ENOX1: variants seen among roughly 807,000 people sequenced by gnomAD.
ENOX1 encodes candidate growth-related and time keeping constitutive hydroquinone (NADH) oxidase.
In ENOX1, 42 loss-of-function variants were observed where a neutral mutation model predicts 82.5. That is an observed-to-expected ratio of 0.51 (90% CI 0.40 to 0.66). ENOX1 has a LOEUF of 0.66. Among genes scored for constraint, ENOX1 ranks in the 30% least tolerant of loss-of-function variants. ENOX1 has a pLI of 0.00. For synonymous variants in ENOX1, 271 were observed against 282.2 expected (o/e 0.96, Z 0.40); for missense variants, 608 against 811.6 (o/e 0.75, Z 3.05).
At chr13:43,562,594 A>C (rs540859173) in intron 2 of ENOX1, among the ~76,000 whole-genome samples, 93 of 152,232 alleles carry the variant, frequency 6.1e-4, no homozygotes, top group African/African-American at 2.1e-3. Context: ...CTGAACAGAT[A>C]AAACAAAACT....
At chr13:43,385,991 C>A (rs541691749) in intron 5 of ENOX1, among the ~76,000 whole-genome samples, 2 of 152,078 alleles carry the variant, frequency 1.3e-5, no homozygotes, top group African/African-American at 2.4e-5. Flanking sequence ...CATGGTGAAA[C>A]CCCATCTCTA....
chr13:43,576,775 T>C (rs1324433522), intron 2 of ENOX1, among the ~76,000 whole-genome samples: 2 of 152,208 alleles, frequency 1.3e-5, no homozygotes, highest in Admixed American at 6.5e-5. Flanking sequence ...ATAGATCACA[T>C]AGTATTTCTA....
chr13:43,425,431 C>T (rs1480227723), intron 3 of ENOX1, among the ~76,000 whole-genome samples: 1 of 152,180 alleles, frequency 6.6e-6, no homozygotes, highest in Non-Finnish European at 1.5e-5. Flanking sequence ...TGTCCTCCAC[C>T]CCTACCGTCC....
intron 2 of ENOX1, among the ~76,000 whole-genome samples, chr13:43,642,743 T>G (rs1399793267): frequency 1.3e-5 from 2 of 152,218 alleles, no homozygotes; most frequent in African/African-American, 4.8e-5. Context: ...ATCTAAAAAA[T>G]GCTGATCCTA....
chr13:43,356,287 C>A (rs534604067), intron 7 of ENOX1, 135 bp from the exon 8 acceptor site: 3 of 741,556 alleles, frequency 4.0e-6, no homozygotes, highest in South Asian at 3.8e-5. Context: ...CCATAGGAAG[C>A]GGGAAACAAT....
chr13:43,772,317 A>T (rs1951681330), intron 1 of ENOX1, among the ~76,000 whole-genome samples: 1 of 152,170 alleles, frequency 6.6e-6, no homozygotes, highest in Admixed American at 6.5e-5. Flanking sequence ...TCTATACTAC[A>T]TGTTGGCTTT....
chr13:43,748,038 T>C (rs1950120742), intron 1 of ENOX1, among the ~76,000 whole-genome samples: 1 of 152,234 alleles, frequency 6.6e-6, no homozygotes. Flanking sequence ...AAATATTATC[T>C]GTTTATCACC....
intron 1 of ENOX1, among the ~76,000 whole-genome samples, chr13:43,758,217 C>G (rs1950759059): frequency 6.6e-6 from 1 of 151,790 alleles, no homozygotes; most frequent in Admixed American, 6.6e-5. Flanking sequence ...GCCTGGGTGA[C>G]AGAGTGAGAC....
chr13:43,630,830 T>C (rs2083172850), intron 2 of ENOX1, among the ~76,000 whole-genome samples: 1 of 145,404 alleles, frequency 6.9e-6, no homozygotes, highest in Admixed American at 7.0e-5. Context: ...TATATATACA[T>C]ACAACCACAC....
rs1330157743 is a variant in ENOX1 at position 43,738,752 on chromosome 13, G to T, written c.-285+47900C>A. Among the ~76,000 whole-genome samples, 3 of 151,874 alleles carry T rather than the reference G, an allele frequency of 2.0e-5. No individual in the cohort carries two copies. The East Asian group carries it at 5.8e-4, about 29-fold the overall frequency. Reference sequence around the variant, plus strand: ...TGTTCCCAAACTCTGAAACCATTTTGCCTATTCATGCTAGTTTTGCCAATC... The same window carrying T: ...TGTTCCCAAACTCTGAAACCATTTTTCCTATTCATGCTAGTTTTGCCAATC... On this transcript the variant is annotated intron_variant, in intron 1 of 16. Transcript: ENST00000690772.
chr13:43,603,364 TTTTATTTATTTTA>T (rs1008929943), intron 2 of ENOX1, among the ~76,000 whole-genome samples: 32 of 114,886 alleles, frequency 2.8e-4, no homozygotes, highest in East Asian at 2.2e-3. Context: ...TTTTTTTTCC[TTTTATTTATTTTA>T]TTTATTTATT....
intron 1 of ENOX1, among the ~76,000 whole-genome samples, chr13:43,714,723 A>G (rs1396664369): frequency 1.3e-5 from 2 of 152,024 alleles, no homozygotes; most frequent in Admixed American, 6.6e-5. Context: ...TTTATCCGAG[A>G]CTAGGATTGC....
rs1158867715 is a variant in ENOX1, at chr13:43,213,434, C to A, written c.*556G>T. 6.6e-6 allele frequency: 1 copy of A among 151,750 alleles called. No individual in the cohort carries two copies. The highest frequency in any genetic ancestry group is 1.5e-5 in the Non-Finnish European group (1 of 67,928). The allele number at this position is 151,750 out of a possible 1,614,324, so 9.4% of individuals were successfully genotyped here. A position where few individuals can be genotyped will look rare whatever the true frequency, so the allele number is the denominator to read the frequency against. On this transcript the variant is annotated 3_prime_UTR_variant, in exon 17 of 17. Transcript: ENST00000690772. ...CAAAAGTCCCTGGAACAGCATATAA[C>A]TTAATTTACAAAATACAATAACTGT...
At chr13:43,514,621 C>G (rs1005358713) in intron 2 of ENOX1, among the ~76,000 whole-genome samples, 1 of 152,138 alleles carries the variant, frequency 6.6e-6, no homozygotes, top group Non-Finnish European at 1.5e-5. Flanking sequence ...TCCAACCAGC[C>G]TCTTCTAATT....
chr13:43,730,646 A>G (rs1260254920), intron 1 of ENOX1, among the ~76,000 whole-genome samples: 1 of 152,176 alleles, frequency 6.6e-6, no homozygotes, highest in Non-Finnish European at 1.5e-5. Flanking sequence ...AACACCCTTC[A>G]GTAGTACCAT....
intron 12 of ENOX1, among the ~76,000 whole-genome samples, chr13:43,281,501 G>A (rs1029024299): frequency 7.9e-5 from 12 of 151,174 alleles, no homozygotes; most frequent in Non-Finnish European, 1.2e-4. Context: ...TGAAAATTAA[G>A]AGAAATTAGA....
intron 12 of ENOX1, among the ~76,000 whole-genome samples, chr13:43,287,259 G>C (rs1411065720): frequency 6.6e-6 from 1 of 152,160 alleles, no homozygotes; most frequent in Non-Finnish European, 1.5e-5. Flanking sequence ...AACAGCACAG[G>C]CCACCCTGTG....
intron 1 of ENOX1, among the ~76,000 whole-genome samples, chr13:43,714,110 T>C (rs1193527592): frequency 8.6e-5 from 13 of 150,754 alleles, no homozygotes; most frequent in African/African-American, 2.7e-4. Context: ...TCTGGTATGT[T>C]GTGTCTTTGT....
At chr13:43,779,589 G>C (rs1952132400) in intron 1 of ENOX1, among the ~76,000 whole-genome samples, 1 of 152,244 alleles carries the variant, frequency 6.6e-6, no homozygotes, top group Non-Finnish European at 1.5e-5. Flanking sequence ...CATCCCTGAA[G>C]ATGTCCATTC....
Sources: gnomAD v4.1 joint callset for allele counts (sites outside exome capture counted in the v4.1 genomes callset) on GRCh38, gnomAD v4.1.1 for gene constraint, MANE v1.5 for transcripts, NCBI Gene and HGNC (gene_info 2026-07-23, HGNC 2026-07-21) for gene names.